Variants in KLF7 observed in about 807,000 individuals in gnomAD.
KLF7 encodes the protein Krueppel-like factor 7.
A neutral mutation model predicts 27.3 loss-of-function variants in KLF7; 2 were observed. The observed-to-expected ratio is 0.07, with a 90% confidence interval of 0.03 to 0.23. The LOEUF is 0.23. Ranked by LOEUF, KLF7 falls within the 10% of genes least tolerant of loss-of-function variation. The probability of loss-of-function intolerance (pLI) is 1.00; values close to 1 mark genes in which losing one functional copy is unlikely to be tolerated. For synonymous variants in KLF7, 165 were observed against 162.4 expected (o/e 1.02, Z -0.12); for missense variants, 221 against 394.1 (o/e 0.56, Z 3.72).
rs1229992389 is a variant in KLF7, at chr2:207,080,581, T to C, written c.*632A>G. The C allele has an allele frequency of 2.8e-6, 1 of 361,690 alleles. No homozygotes were observed. The highest frequency in any genetic ancestry group is 2.1e-5 in the African/African-American group (1 of 47,874). The allele number at this position is 361,690 out of a possible 1,614,324, so 22.4% of individuals were successfully genotyped here. A position where few individuals can be genotyped will look rare whatever the true frequency, so the allele number is the denominator to read the frequency against. ...TCGACGCGAAAGATCTCAATAGTACTAAGAACCAAAACCAGTCAACAGTTC... is the reference window on the plus strand; with the variant it reads ...TCGACGCGAAAGATCTCAATAGTACCAAGAACCAAAACCAGTCAACAGTTC... On this transcript the variant is annotated 3_prime_UTR_variant, in exon 4 of 4. Coordinates refer to ENST00000309446, the MANE Select transcript of KLF7 (RefSeq NM_003709.4).
chr2:207,113,940 G>T lies in KLF7; in HGVS notation c.733+9834C>A, dbSNP rs532476496. Among the ~76,000 whole-genome samples the T allele has an allele frequency of 3.9e-5, 6 of 152,162 alleles. No individual in the cohort carries two copies. The East Asian group carries it at 1.2e-3, about 29-fold the overall frequency. ...ATGACAGTATTTAGTTTCAAATTCAGTTTAGTTGTAAGCCTTGAGACACTA... is the reference window on the plus strand; with the variant it reads ...ATGACAGTATTTAGTTTCAAATTCATTTTAGTTGTAAGCCTTGAGACACTA... On this transcript the variant is annotated intron_variant, in intron 2 of 3. Coordinates refer to ENST00000309446, the MANE Select transcript of KLF7 (RefSeq NM_003709.4).
At chr2:207,094,777 T>C (rs920988115) in intron 2 of KLF7, among the ~76,000 whole-genome samples, 6 of 148,936 alleles carry the variant, frequency 4.0e-5, no homozygotes, top group African/African-American at 1.5e-4. Context: ...CCTCTTAGAT[T>C]CCAGCTGGGT....
intron 2 of KLF7, among the ~76,000 whole-genome samples, chr2:207,103,775 G>C (rs1054248711): frequency 2.0e-5 from 3 of 152,184 alleles, no homozygotes; most frequent in Non-Finnish European, 4.4e-5. Context: ...CCCTTCTTCA[G>C]CACAGCCCTC....
chr2:207,140,802 G>A (rs969382831), intron 1 of KLF7, among the ~76,000 whole-genome samples: 1 of 152,190 alleles, frequency 6.6e-6, no homozygotes, highest in Non-Finnish European at 1.5e-5. Flanking sequence ...ATTCAGAAAT[G>A]TATGCTGGTA....
chr2:207,147,576 G>A (rs1336259038), intron 1 of KLF7, among the ~76,000 whole-genome samples: 1 of 152,100 alleles, frequency 6.6e-6, no homozygotes, highest in African/African-American at 2.4e-5. Flanking sequence ...GGTGCAGAGT[G>A]GCTGGGGCGG....
chr2:207,090,223 GT>G (rs2076480370), intron 2 of KLF7, among the ~76,000 whole-genome samples: 1 of 152,092 alleles, frequency 6.6e-6, no homozygotes, highest in Non-Finnish European at 1.5e-5. Flanking sequence ...AACCCATTCA[GT>G]TTTGGAAACC....
chr2:207,147,651 T>C (rs1222295315), intron 1 of KLF7, among the ~76,000 whole-genome samples: 4 of 151,968 alleles, frequency 2.6e-5, no homozygotes, highest in African/African-American at 9.7e-5. Flanking sequence ...CCCATAAAGG[T>C]TTCACCCCTA....
At chr2:207,166,967 G>A, upstream of KLF7, 3 of 705,284 alleles carry the variant, frequency 4.3e-6, no homozygotes, top group African/African-American at 2.0e-5. Flanking sequence ...TCCCTCCCGC[G>A]CCTCCTTCTG....
At chr2:207,082,255 A>C (rs2076289985) in intron 3 of KLF7, among the ~76,000 whole-genome samples, 1 of 152,094 alleles carries the variant, frequency 6.6e-6, no homozygotes, top group Non-Finnish European at 1.5e-5. Context: ...GCCAATGAGA[A>C]CCAGCCCTGG....
chr2:207,082,183 T>C (rs2076288186), intron 3 of KLF7, among the ~76,000 whole-genome samples: 1 of 152,174 alleles, frequency 6.6e-6, no homozygotes, highest in African/African-American at 2.4e-5. Context: ...CATTCTCATT[T>C]GTGTGAGGCT....
intron 1 of KLF7, among the ~76,000 whole-genome samples, chr2:207,125,619 A>T (rs997303626): frequency 6.6e-6 from 1 of 152,232 alleles, no homozygotes; most frequent in African/African-American, 2.4e-5. Flanking sequence ...TGACATTTCA[A>T]AAGACTGGTT....
At chr2:207,135,442 A>T (rs1210651767) in intron 1 of KLF7, among the ~76,000 whole-genome samples, 2 of 151,896 alleles carry the variant, frequency 1.3e-5, no homozygotes, top group African/African-American at 4.8e-5. Flanking sequence ...GATGCTATGA[A>T]GGTTTAATTT....
chr2:207,165,814 G>A lies in KLF7; in HGVS notation c.-246C>T. On this transcript the variant is annotated 5_prime_UTR_variant, in exon 1 of 4. Coordinates refer to ENST00000309446, the MANE Select transcript of KLF7 (RefSeq NM_003709.4). ...GGCATCCAGCGTGTACAGTGCAGAC[G>A]ACTGCCAGGAAAAGGGGACTTCTCC... 7.4e-7 allele frequency: 1 copy of A among 1,349,998 alleles called. No homozygotes were observed. Among genetic ancestry groups the A allele is most frequent in the Non-Finnish European group, 9.5e-7 (1 of 1,049,130 alleles). 83.6% of individuals were successfully genotyped at this position (1,349,998 alleles called of 1,614,324 possible). A position where few individuals can be genotyped will look rare whatever the true frequency, so the allele number is the denominator to read the frequency against.
At chr2:207,101,173 T>C (rs928991149) in intron 2 of KLF7, among the ~76,000 whole-genome samples, 3 of 152,204 alleles carry the variant, frequency 2.0e-5, no homozygotes, top group East Asian at 1.9e-4. Flanking sequence ...ATGAAAGAAA[T>C]AGTCTCTTCA....
At chr2:207,098,263 T>C in intron 2 of KLF7, among the ~76,000 whole-genome samples, 1 of 152,210 alleles carries the variant, frequency 6.6e-6, no homozygotes, top group Non-Finnish European at 1.5e-5. Context: ...TCTTGGAAAT[T>C]TAAATATATT....
chr2:207,099,524 T>C (rs1272917174), intron 2 of KLF7, among the ~76,000 whole-genome samples: 2 of 125,986 alleles, frequency 1.6e-5, no homozygotes, highest in Admixed American at 1.6e-4. Flanking sequence ...ATTATTTGGA[T>C]AAAAGTTAAC....
intron 2 of KLF7, among the ~76,000 whole-genome samples, chr2:207,113,970 A>T (rs1391533069): frequency 6.6e-6 from 1 of 152,242 alleles, no homozygotes; most frequent in Non-Finnish European, 1.5e-5. Context: ...ACACTAAACA[A>T]CAACAAAGAA....
chr2:207,152,063 G>A (rs2078261331), intron 1 of KLF7, among the ~76,000 whole-genome samples: 1 of 152,168 alleles, frequency 6.6e-6, no homozygotes, highest in Non-Finnish European at 1.5e-5. Context: ...GCCAAGGGTA[G>A]GAAGAAAACA....
chr2:207,114,982 T>C (rs2105953557), intron 2 of KLF7, among the ~76,000 whole-genome samples: 1 of 152,350 alleles, frequency 6.6e-6, no homozygotes, highest in Non-Finnish European at 1.5e-5. Flanking sequence ...CATGTTATAG[T>C]AATGGAAACG....
Sources: gnomAD v4.1 joint callset for allele counts (sites outside exome capture counted in the v4.1 genomes callset) on GRCh38, gnomAD v4.1.1 for gene constraint, MANE v1.5 for transcripts, NCBI Gene and HGNC (gene_info 2026-07-23, HGNC 2026-07-21) for gene names.